ASTN2: variants seen among roughly 807,000 people sequenced by gnomAD.
ASTN2 encodes the protein astrotactin 2, also known as astrotactin-2.
ASTN2 carries 54 observed loss-of-function variants against 139.8 expected under a neutral mutation model. That is an observed-to-expected ratio of 0.39 (90% CI 0.31 to 0.48). The LOEUF is 0.48. ASTN2 is among the 20% of genes least tolerant of loss of function. The pLI is 0.95. For synonymous variants in ASTN2, 756 were observed against 719.5 expected (o/e 1.05, Z -0.81); for missense variants, 1,565 against 1,725.1 (o/e 0.91, Z 1.64).
intron 13 of ASTN2, among the ~76,000 whole-genome samples, chr9:116,800,295 C>G (rs1830810897): frequency 6.6e-6 from 1 of 152,064 alleles, no homozygotes; most frequent in Non-Finnish European, 1.5e-5. Flanking sequence ...TCTTTAGTGT[C>G]TCCTCTGTTT....
Position 116,871,323 on chromosome 9 carries a change from C to T in ASTN2, c.1890-7590G>A, listed in dbSNP as rs889331159. Among the ~76,000 whole-genome samples the T allele has an allele frequency of 2.5e-4, 38 of 152,122 alleles. 1 individual carries two copies. Among genetic ancestry groups the T allele is most frequent in the African/African-American group, 7.9e-4 (33 of 41,532 alleles). On this transcript the variant is annotated intron_variant, in intron 10 of 22. Transcript: ENST00000313400. ...CAGTTTTTTTATTTTAAAGAAAGAA[C>T]GCTTTGTTGAGATATAATTCACATA...
intron 19 of ASTN2, among the ~76,000 whole-genome samples, chr9:116,586,520 C>A (rs767464090): frequency 9.2e-5 from 14 of 152,078 alleles, no homozygotes; most frequent in Non-Finnish European, 1.6e-4. Flanking sequence ...AGGCGATTAT[C>A]CTAAGCAAAT....
rs111865228 is a variant in ASTN2, at chr9:117,228,230, A to G, written c.631-13488T>C. On this transcript the variant is annotated intron_variant, in intron 2 of 22. Transcript: ENST00000313400. The stretch of plus-strand genomic sequence containing the variant: ...GAACTTTGTATATAGGTGTTTGTTA[A>G]AGAGAGGGACTCCAAAAACCACAGG... Among the ~76,000 whole-genome samples, 1,162 of 152,238 alleles carry G rather than the reference A, an allele frequency of 7.6e-3. 17 individuals are homozygous for G. Among genetic ancestry groups the G allele is most frequent in the African/African-American group, 0.026 (1,098 of 41,540 alleles).
chr9:116,857,318 G>A (rs140815766), intron 11 of ASTN2, among the ~76,000 whole-genome samples: 104 of 152,240 alleles, frequency 6.8e-4, no homozygotes, highest in Middle Eastern at 3.4e-3. Flanking sequence ...CAGTTCTCTC[G>A]TATGACCACT....
intron 1 of ASTN2, among the ~76,000 whole-genome samples, chr9:117,355,589 G>C (rs574615965): frequency 1.2e-4 from 19 of 152,292 alleles, no homozygotes; most frequent in Non-Finnish European, 2.4e-4. Flanking sequence ...AGGCTGAGGG[G>C]CTGCCAGGAC....
chr9:116,618,503 T>C, intron 18 of ASTN2, 31 bp from the exon 19 acceptor site: 3 of 1,585,484 alleles, frequency 1.9e-6, no homozygotes, highest in Non-Finnish European at 2.6e-6. Flanking sequence ...GATTCGTGTT[T>C]GGCAGCCAGC....
At chr9:116,570,335 T>A (rs1476843579) in intron 19 of ASTN2, among the ~76,000 whole-genome samples, 2 of 152,174 alleles carry the variant, frequency 1.3e-5, no homozygotes, top group Non-Finnish European at 2.9e-5. Context: ...GTATAAGTTT[T>A]AAATTTTATA....
At chr9:117,186,178 G>T (rs1390914771) in intron 3 of ASTN2, among the ~76,000 whole-genome samples, 3 of 152,160 alleles carry the variant, frequency 2.0e-5, no homozygotes, top group African/African-American at 7.2e-5. Context: ...AAAATTTTAT[G>T]CGTAATTATT....
intron 4 of ASTN2, among the ~76,000 whole-genome samples, chr9:117,097,667 C>T (rs754898840): frequency 6.6e-6 from 1 of 152,156 alleles, no homozygotes; most frequent in Non-Finnish European, 1.5e-5. Flanking sequence ...CTCTTTGCAT[C>T]TTTTCAATCA....
intron 19 of ASTN2, among the ~76,000 whole-genome samples, chr9:116,551,581 T>C (rs550512488): frequency 1.4e-4 from 22 of 152,210 alleles, no homozygotes; most frequent in African/African-American, 5.1e-4. Context: ...TCTTTCCCAT[T>C]TGGGGGACTG....
At chr9:116,680,623 C>T (rs1395770356) in intron 16 of ASTN2, among the ~76,000 whole-genome samples, 2 of 152,122 alleles carry the variant, frequency 1.3e-5, no homozygotes, top group Non-Finnish European at 2.9e-5. Context: ...CAAAAATCCT[C>T]AATAAAATAC....
intron 4 of ASTN2, among the ~76,000 whole-genome samples, chr9:117,133,381 G>T (rs1461977394): frequency 6.6e-6 from 1 of 152,190 alleles, no homozygotes; most frequent in Non-Finnish European, 1.5e-5. Flanking sequence ...GCCAGTCAGT[G>T]GCAGAGCTAG....
chr9:117,306,019 T>G (rs542771066), intron 1 of ASTN2, among the ~76,000 whole-genome samples: 47 of 152,354 alleles, frequency 3.1e-4, no homozygotes, highest in African/African-American at 1.1e-3. Context: ...AGCCTGTCTT[T>G]GATTGTAAAT....
intron 1 of ASTN2, among the ~76,000 whole-genome samples, chr9:117,395,275 C>A (rs1424301837): frequency 1.3e-5 from 2 of 152,056 alleles, no homozygotes; most frequent in Non-Finnish European, 2.9e-5. Flanking sequence ...GCCACTGGGG[C>A]AGGGTGCCTG....
At chr9:117,303,601 C>T (rs190080301) in intron 1 of ASTN2, among the ~76,000 whole-genome samples, 2 of 152,334 alleles carry the variant, frequency 1.3e-5, no homozygotes, top group Non-Finnish European at 2.9e-5. Flanking sequence ...GTCATTCCTC[C>T]ATGTGCCCCT....
chr9:117,166,138 A>G (rs1830665440), intron 3 of ASTN2, among the ~76,000 whole-genome samples: 1 of 152,142 alleles, frequency 6.6e-6, no homozygotes, highest in African/African-American at 2.4e-5. Context: ...AATTAATAAT[A>G]ATGATGCTGA....
intron 20 of ASTN2, among the ~76,000 whole-genome samples, chr9:116,453,920 C>A (rs1362686648): frequency 2.0e-5 from 3 of 152,302 alleles, no homozygotes; most frequent in East Asian, 1.9e-4. Flanking sequence ...AAACTAGAAA[C>A]AATTTACACA....
intron 17 of ASTN2, among the ~76,000 whole-genome samples, chr9:116,624,972 A>G (rs1856367952): frequency 6.6e-6 from 1 of 152,224 alleles, no homozygotes; most frequent in Non-Finnish European, 1.5e-5. Flanking sequence ...AAAAGTTCAC[A>G]TGGAATGCTG....
intron 10 of ASTN2, among the ~76,000 whole-genome samples, chr9:116,946,005 GGAGA>G (rs754869321): frequency 2.0e-5 from 3 of 152,064 alleles, no homozygotes; most frequent in African/African-American, 4.8e-5. Flanking sequence ...CATGGTGGTA[GGAGA>G]GAGAGAGAGC....
Sources: allele counts gnomAD v4.1 joint callset (sites outside exome capture counted in the v4.1 genomes callset), GRCh38; gene constraint gnomAD v4.1.1; transcripts MANE v1.5; gene names NCBI Gene and HGNC (gene_info 2026-07-23, HGNC 2026-07-21).